The following LATS2 variants were observed in gnomAD, a reference collection of about 807,000 sequenced individuals.
The protein encoded by LATS2 is large tumor suppressor kinase 2, also known as serine/threonine-protein kinase LATS2.
A neutral mutation model predicts 76.0 loss-of-function variants in LATS2; 24 were observed. The observed-to-expected ratio is 0.32, with a 90% CI of 0.23 to 0.44. LATS2 has a LOEUF of 0.44. Ranked by LOEUF, LATS2 falls within the 20% of genes least tolerant of loss-of-function variation. LATS2 has a pLI of 1.00. For missense variants in LATS2, 1,286 were observed against 1,481.2 expected (o/e 0.87, Z 2.16); for synonymous variants, 692 against 635.4 (o/e 1.09, Z -1.34).
rs1425307761 is a variant in LATS2 at position 20,988,897 on chromosome 13, C to G, written c.883G>C (p.Gly295Arg). 1.3e-6 allele frequency: 2 copies of G among 1,537,566 alleles called. No homozygotes were observed. Among genetic ancestry groups the G allele is most frequent in the Non-Finnish European group, 1.7e-6 (2 of 1,148,264 alleles). ...GCGAGGCCGGCGCCTGGCGGTCCTC[C>G]CTGGCCCTTCGTGGGCAGGCTGGCG... ...GYASLPTKGQ[G>R]GPPGAGLAFP... The change falls in exon 4 of 8, where the codon GGA becomes CGA. Residue 295 changes from glycine (G) to arginine (R), a missense_variant. This residue lies in a region of LATS2 where 710 missense variants were observed against 660.9 expected (regional missense o/e 1.07). Coordinates refer to ENST00000382592, the MANE Select transcript of LATS2 (RefSeq NM_014572.3).
chr13:21,016,930 G>A (rs976755621), intron 2 of LATS2, among the ~76,000 whole-genome samples: 3 of 152,146 alleles, frequency 2.0e-5, no homozygotes, highest in Non-Finnish European at 2.9e-5. Context: ...CAACTTGCCC[G>A]ATCCATGGCC....
intron 2 of LATS2, among the ~76,000 whole-genome samples, chr13:20,998,348 C>T (rs937161354): frequency 6.6e-6 from 1 of 151,580 alleles, no homozygotes; most frequent in African/African-American, 2.4e-5. Context: ...GCAAGAGACC[C>T]TGTCTCAAAC....
intron 2 of LATS2, among the ~76,000 whole-genome samples, chr13:21,031,055 T>C (rs1391836423): frequency 6.6e-6 from 1 of 152,262 alleles, no homozygotes; most frequent in African/African-American, 2.4e-5. Flanking sequence ...ATTTATACTG[T>C]CTAATGAGAA....
intron 2 of LATS2, among the ~76,000 whole-genome samples, chr13:21,025,392 C>T (rs61950277): frequency 3.9e-5 from 4 of 101,692 alleles, no homozygotes; most frequent in African/African-American, 1.8e-4. Flanking sequence ...GACTCCGTCT[C>T]CAAAAAAAAA....
chr13:21,050,676 T>C (rs1447560243), intron 1 of LATS2, among the ~76,000 whole-genome samples: 1 of 152,202 alleles, frequency 6.6e-6, no homozygotes, highest in Non-Finnish European at 1.5e-5. Context: ...CCATTCAGGT[T>C]GCCATGGCTC....
chr13:21,020,790 T>C (rs962907475), intron 2 of LATS2, among the ~76,000 whole-genome samples: 1 of 152,184 alleles, frequency 6.6e-6, no homozygotes, highest in Non-Finnish European at 1.5e-5. Flanking sequence ...AACCCCGTCA[T>C]GCAAGCAGGC....
chr13:21,019,046 C>G (rs1168493476), intron 2 of LATS2, among the ~76,000 whole-genome samples: 1 of 152,134 alleles, frequency 6.6e-6, no homozygotes. Context: ...ACGTGGGAAC[C>G]AGACATCCTA....
At chr13:20,995,362 C>G (rs1400738652) in intron 2 of LATS2, among the ~76,000 whole-genome samples, 1 of 152,228 alleles carries the variant, frequency 6.6e-6, no homozygotes, top group Non-Finnish European at 1.5e-5. Context: ...TCTCTTCCAG[C>G]TTACCTCAGG....
intron 2 of LATS2, among the ~76,000 whole-genome samples, chr13:21,000,875 C>T (rs538958324): frequency 2.0e-5 from 3 of 152,160 alleles, no homozygotes; most frequent in African/African-American, 7.2e-5. Context: ...ACTATGTACA[C>T]AAATCAGTTA....
chr13:20,976,380 C>T (rs1278419864), intron 7 of LATS2, among the ~76,000 whole-genome samples: 3 of 152,224 alleles, frequency 2.0e-5, no homozygotes, highest in South Asian at 4.1e-4. Flanking sequence ...TCTTCATGAA[C>T]CTGAGTTTGG....
rs79302999 is a variant in LATS2 at position 21,054,884 on chromosome 13, G to C, written c.-205+6462C>G. 3.4e-4 allele frequency among the ~76,000 whole-genome samples: 52 copies of C among 152,276 alleles called. 1 individual carries two copies. The East Asian group carries it at 0.01, about 29-fold the overall frequency. On this transcript the variant is annotated intron_variant, in intron 1 of 7. Transcript: ENST00000382592. ...CTGGTTTTGTTTGGTACGGAGGGAG[G>C]GGGAGGACCCCACAAGCTGTTCTGA...
At chr13:21,003,093 G>T (rs1871117380) in intron 2 of LATS2, among the ~76,000 whole-genome samples, 2 of 151,926 alleles carry the variant, frequency 1.3e-5, no homozygotes, top group African/African-American at 4.8e-5. Context: ...TTTCTGAAAA[G>T]GTAAATTTTC....
chr13:20,988,710 A>C lies in LATS2; in HGVS notation c.1070T>G (p.Val357Gly). ...LLTPSRNSLN[V>G]DLYELGSTSV... ...GGTGCTGCCCAATTCATACAGGTCCACGTTGAGGCTGTTCCGCGAGGGAGT... is the reference window on the plus strand; with the variant it reads ...GGTGCTGCCCAATTCATACAGGTCCCCGTTGAGGCTGTTCCGCGAGGGAGT... The change falls in exon 4 of 8, where the codon GTG (valine) becomes GGG (glycine). Residue 357 changes from valine to glycine, a missense_variant. Physicochemically the swap from Val to Gly is moderately radical, Grantham distance 109. Coordinates refer to ENST00000382592, the MANE Select transcript of LATS2 (RefSeq NM_014572.3). The C allele has an allele frequency of 6.4e-7, 1 of 1,565,422 alleles. No individual in the cohort carries two copies. Among genetic ancestry groups the C allele is most frequent in the Non-Finnish European group, 8.6e-7 (1 of 1,163,196 alleles).
intron 2 of LATS2, among the ~76,000 whole-genome samples, chr13:21,018,607 G>A (rs1871906282): frequency 6.6e-6 from 1 of 152,204 alleles, no homozygotes; most frequent in African/African-American, 2.4e-5. Context: ...GTGCCTGAGA[G>A]TGACATGCTG....
intron 3 of LATS2, 147 bp from the exon 4 acceptor site, chr13:20,989,451 A>G: frequency 1.2e-6 from 1 of 801,062 alleles, no homozygotes; most frequent in South Asian, 1.7e-5. Flanking sequence ...TGCCCAGCAC[A>G]GGGTCAGTGG....
rs562519546 is a variant in LATS2, at chr13:21,013,786, C to T, written c.343-22382G>A. Among the ~76,000 whole-genome samples the T allele has an allele frequency of 5.9e-5, 9 of 152,148 alleles. No individual in the cohort carries two copies. In the South Asian group the frequency reaches 1.9e-3, roughly 32 times the overall value. ...TTTGAGGCCATCCTGGGCAACACAG[C>T]AAGACCCCGTCTCTACAAAACAATT... On this transcript the variant is annotated intron_variant, in intron 2 of 7. Transcript: ENST00000382592.
chr13:20,996,921 T>C (rs981135228), intron 2 of LATS2, among the ~76,000 whole-genome samples: 1 of 152,158 alleles, frequency 6.6e-6, no homozygotes, highest in Non-Finnish European at 1.5e-5. Context: ...GGCTGTAGAA[T>C]AGAAGCTAGT....
At chr13:21,048,760 C>T (rs1873157099) in intron 1 of LATS2, among the ~76,000 whole-genome samples, 1 of 152,004 alleles carries the variant, frequency 6.6e-6, no homozygotes, top group African/African-American at 2.4e-5. Context: ...TCACTTGAAC[C>T]AGGGAGGCGG....
At chr13:21,060,717 G>C (rs926961148) in intron 1 of LATS2, among the ~76,000 whole-genome samples, 2 of 151,512 alleles carry the variant, frequency 1.3e-5, no homozygotes, top group Admixed American at 1.3e-4. Context: ...CGGCACCGCC[G>C]TGGGTCCGTC....
Sources: gnomAD v4.1 joint callset for allele counts (sites outside exome capture counted in the v4.1 genomes callset) on GRCh38, gnomAD v4.1.1 for gene constraint, gnomAD v4.1.1 regional missense constraint, MANE v1.5 for transcripts, NCBI Gene and HGNC (gene_info 2026-07-23, HGNC 2026-07-21) for gene names.